The following MARCHF1 variants were observed in gnomAD, a reference collection of about 807,000 sequenced individuals.
MARCHF1 encodes the protein membrane associated ring-CH-type finger 1.
MARCHF1 carries 40 observed loss-of-function variants against 54.2 expected under a neutral mutation model. The ratio of observed to expected loss-of-function variants is 0.74; its 90% CI spans 0.57 to 0.96. The LOEUF (loss-of-function observed/expected upper bound fraction) is 0.96, where lower values mean the gene tolerates loss of function less well. Ranked by LOEUF, MARCHF1 falls within the 40% of genes least tolerant of loss-of-function variation. MARCHF1 has a pLI of 0.00. For missense variants in MARCHF1, 586 were observed against 656.5 expected (o/e 0.89, Z 1.17); for synonymous variants, 236 against 236.3 (o/e 1.00, Z 0.01).
chr4:164,031,355 A>G (rs1429767995), intron 2 of MARCHF1, among the ~76,000 whole-genome samples: 1 of 151,350 alleles, frequency 6.6e-6, no homozygotes, highest in African/African-American at 2.4e-5. Flanking sequence ...ATCATTTCTT[A>G]TTGTGTCTAT....
At chr4:163,567,238 T>TA (rs532744586) in intron 8 of MARCHF1, among the ~76,000 whole-genome samples, 13 of 151,532 alleles carry the variant, frequency 8.6e-5, no homozygotes, top group East Asian at 1.9e-4. Context: ...AATTCTATAT[T>TA]AAAAAAAAAG....
intron 1 of MARCHF1, among the ~76,000 whole-genome samples, chr4:164,308,010 T>TA (rs1333062753): frequency 1.3e-5 from 2 of 152,188 alleles, no homozygotes; most frequent in African/African-American, 4.8e-5. Context: ...GTCTTATAGT[T>TA]ACGCTGAATC....
intron 5 of MARCHF1, among the ~76,000 whole-genome samples, chr4:163,677,965 A>T (rs1029293354): frequency 6.6e-6 from 1 of 152,254 alleles, no homozygotes; most frequent in Non-Finnish European, 1.5e-5. Context: ...GGATGAATTC[A>T]TTCATGAGTG....
chr4:163,682,175 A>G (rs1475365313), intron 5 of MARCHF1, among the ~76,000 whole-genome samples: 4 of 152,222 alleles, frequency 2.6e-5, no homozygotes, highest in East Asian at 1.9e-4. Context: ...CCCTAGAGAT[A>G]GTGAAACTTT....
chr4:164,326,119 C>T (rs2110782493), intron 1 of MARCHF1, among the ~76,000 whole-genome samples: 1 of 152,224 alleles, frequency 6.6e-6, no homozygotes, highest in Admixed American at 6.5e-5. Flanking sequence ...AGTAAAGAAA[C>T]CTTGTTATTA....
intron 5 of MARCHF1, among the ~76,000 whole-genome samples, chr4:163,680,405 G>T (rs547157563): frequency 1.3e-5 from 2 of 152,146 alleles, no homozygotes; most frequent in Non-Finnish European, 2.9e-5. Context: ...AAAACATTCA[G>T]GACTATTTCT....
intron 2 of MARCHF1, among the ~76,000 whole-genome samples, chr4:164,004,704 C>A (rs560803088): frequency 2.6e-5 from 4 of 151,484 alleles, no homozygotes; most frequent in African/African-American, 7.3e-5. Flanking sequence ...GAAAAATCAC[C>A]CCCCCCAACT....
At chr4:164,153,487 A>AT (rs1729998160) in intron 1 of MARCHF1, among the ~76,000 whole-genome samples, 1 of 152,086 alleles carries the variant, frequency 6.6e-6, no homozygotes, top group South Asian at 2.1e-4. Context: ...CACTCACACA[A>AT]TAGCACCTGT....
At chr4:163,972,093 C>A (rs937363390) in intron 3 of MARCHF1, among the ~76,000 whole-genome samples, 1 of 152,086 alleles carries the variant, frequency 6.6e-6, no homozygotes, top group African/African-American at 2.4e-5. Flanking sequence ...CAAACTAACA[C>A]AGGAACAGAA....
intron 2 of MARCHF1, among the ~76,000 whole-genome samples, chr4:164,048,835 G>C (rs1172812471): frequency 6.6e-6 from 1 of 151,886 alleles, no homozygotes; most frequent in Admixed American, 6.6e-5. Flanking sequence ...TCTTATAGCT[G>C]CTTTCATAAA....
At chr4:164,334,259 T>C (rs947760406) in intron 1 of MARCHF1, among the ~76,000 whole-genome samples, 17 of 151,806 alleles carry the variant, frequency 1.1e-4, no homozygotes, top group African/African-American at 3.9e-4. Flanking sequence ...CCATTAGGAG[T>C]TTCATAGATA....
intron 1 of MARCHF1, among the ~76,000 whole-genome samples, chr4:164,230,008 G>A (rs1732372616): frequency 6.6e-6 from 1 of 152,038 alleles, no homozygotes; most frequent in African/African-American, 2.4e-5. Context: ...TGACTTTCTG[G>A]GCTCAAGCAA....
intron 4 of MARCHF1, among the ~76,000 whole-genome samples, chr4:163,712,459 T>C (rs1418619777): frequency 6.6e-6 from 1 of 152,150 alleles, no homozygotes; most frequent in Admixed American, 6.6e-5. Flanking sequence ...TTGAGGAAAA[T>C]GTATGATTCC....
intron 2 of MARCHF1, among the ~76,000 whole-genome samples, chr4:164,061,717 C>A (rs909427200): frequency 6.6e-6 from 1 of 151,374 alleles, no homozygotes; most frequent in Admixed American, 6.6e-5. Context: ...ACAACATAAA[C>A]CAAAAAAAAG....
At chr4:163,895,511 T>G (rs574546042) in intron 3 of MARCHF1, among the ~76,000 whole-genome samples, 331 of 152,262 alleles carry the variant, frequency 2.2e-3, no homozygotes, top group Non-Finnish European at 4.1e-3. Flanking sequence ...AGGCAGAGCA[T>G]ATTTCTCCAC....
At chr4:164,015,804 A>G (rs1223639067) in intron 2 of MARCHF1, among the ~76,000 whole-genome samples, 2 of 152,152 alleles carry the variant, frequency 1.3e-5, no homozygotes, top group Non-Finnish European at 2.9e-5. Context: ...AAGACAAGCA[A>G]TAACAAATGC....
chr4:163,675,969 G>C (rs1002564699), intron 5 of MARCHF1, among the ~76,000 whole-genome samples: 1 of 152,024 alleles, frequency 6.6e-6, no homozygotes, highest in South Asian at 2.1e-4. Context: ...ATATTTCTCT[G>C]TGCCAACATT....
At chr4:164,158,030 T>A (rs990796054) in intron 1 of MARCHF1, among the ~76,000 whole-genome samples, 3 of 152,200 alleles carry the variant, frequency 2.0e-5, no homozygotes, top group Non-Finnish European at 2.9e-5. Context: ...TTGCTTCTAC[T>A]TTCACTTGAC....
chr4:163,717,124 C>A (rs1036667978), intron 4 of MARCHF1, among the ~76,000 whole-genome samples: 1 of 148,410 alleles, frequency 6.7e-6, no homozygotes, highest in Non-Finnish European at 1.5e-5. Flanking sequence ...TTAGGTATAT[C>A]TCCTAATGCT....
Sources: gnomAD v4.1 joint callset for allele counts (sites outside exome capture counted in the v4.1 genomes callset) on GRCh38, gnomAD v4.1.1 for gene constraint, MANE v1.5 for transcripts, NCBI Gene and HGNC (gene_info 2026-07-23, HGNC 2026-07-21) for gene names.